The following IP6K2 variants were observed in gnomAD, a reference collection of about 807,000 sequenced individuals.
IP6K2 encodes inositol hexakisphosphate kinase 2.
Under a neutral mutation model 43.3 loss-of-function variants are expected in IP6K2, and 9 were observed. The observed-to-expected ratio is 0.21, with a 90% CI of 0.13 to 0.36. The LOEUF (loss-of-function observed/expected upper bound fraction) is 0.36, where lower values mean the gene tolerates loss of function less well. Ranked by LOEUF, IP6K2 falls within the 10% of genes least tolerant of loss-of-function variation. The pLI, the probability that IP6K2 is intolerant of heterozygous loss-of-function variation, is 1.00. For missense variants in IP6K2, 332 were observed against 538.4 expected, an observed-to-expected ratio of 0.62 and a Z score of 3.79; for synonymous variants, 209 against 202.4, an observed-to-expected ratio of 1.03 and a Z score of -0.28.
At chr3:48,700,965 G>A (rs2078955167) in intron 1 of IP6K2, among the ~76,000 whole-genome samples, 1 of 152,188 alleles carries the variant, frequency 6.6e-6, no homozygotes, top group South Asian at 2.1e-4. Flanking sequence ...CTCATACATT[G>A]CTGGTAGCAA....
chr3:48,706,065 TG>T (rs1559551153), intron 1 of IP6K2, among the ~76,000 whole-genome samples: 1 of 21,092 alleles, frequency 4.7e-5, no homozygotes, highest in African/African-American at 1.1e-4. Flanking sequence ...AAATTAGCCG[TG>T]CATGGTGGTG....
chr3:48,695,000 G>A, intron 2 of IP6K2, 90 bp downstream of exon 2: 1 of 1,610,966 alleles, frequency 6.2e-7, no homozygotes, highest in Non-Finnish European at 8.5e-7. Flanking sequence ...GGGAGTGAGG[G>A]CTCCAGGGAT....
Position 48,716,509 on chromosome 3 carries a change from G to C in IP6K2, c.-131+648C>G, listed in dbSNP as rs1429148675. The C allele has an allele frequency of 1.4e-4, 21 of 152,166 alleles. 1 individual carries two copies. Among genetic ancestry groups the C allele is most frequent in the Non-Finnish European group, 2.2e-4 (15 of 68,018 alleles). The allele number at this position is 152,166 out of a possible 1,614,324, so 9.4% of individuals were successfully genotyped here. On this transcript the variant is annotated intron_variant, in intron 1 of 5. Transcript: ENST00000328631. Reference sequence around the variant, plus strand: ...TGAAATAAGCCATTAGGATGCAAAAGACAAAAGCGGTCTGTAATCAAACGT... The same window carrying C: ...TGAAATAAGCCATTAGGATGCAAAACACAAAAGCGGTCTGTAATCAAACGT...
At chr3:48,712,862 A>C (rs2080721637) in intron 1 of IP6K2, among the ~76,000 whole-genome samples, 1 of 151,888 alleles carries the variant, frequency 6.6e-6, no homozygotes, top group Non-Finnish European at 1.5e-5. Flanking sequence ...ACAAAAATAC[A>C]ATTACCCAGG....
chr3:48,701,341 C>T (rs1382103717), intron 1 of IP6K2, among the ~76,000 whole-genome samples: 5 of 151,344 alleles, frequency 3.3e-5, no homozygotes, highest in African/African-American at 4.9e-5. Flanking sequence ...CTGAGGCGGG[C>T]GGATTGCCTG....
rs993107187 is a variant in IP6K2 at position 48,688,843 on chromosome 3, G to T, written c.781-70C>A. ...AACCCTGGACCCCGGGCGGGGGTGG[G>T]GTGGTGTGGTGGTGGCGGCATGTGA... is the stretch of plus-strand genomic sequence containing the variant. On this transcript the variant is annotated intron_variant, in intron 5 of 5. Coordinates refer to ENST00000328631, the MANE Select transcript of IP6K2 (RefSeq NM_016291.4). This position sits in a 1 kb window ranked among gnomAD's most constrained non-coding sequence, Gnocchi z 5.1. The T allele has an allele frequency of 6.0e-6, 9 of 1,494,984 alleles. No individual in the cohort carries two copies. The Admixed American group carries it at 8.1e-5, about 13-fold the overall frequency. The allele number at this position is 1,494,984 out of a possible 1,614,324, so 92.6% of individuals were successfully genotyped here. A position where few individuals can be genotyped will look rare whatever the true frequency, so the allele number is the denominator to read the frequency against.
At chr3:48,690,697 G>A (rs1455723450) in intron 4 of IP6K2, among the ~76,000 whole-genome samples, 1 of 151,052 alleles carries the variant, frequency 6.6e-6, no homozygotes, top group Non-Finnish European at 1.5e-5. Context: ...GCTGAGGCAT[G>A]AGAATCGCTT....
chr3:48,693,987 T>G, intron 2 of IP6K2: 2 of 1,374,834 alleles, frequency 1.5e-6, no homozygotes, highest in South Asian at 1.8e-5. Context: ...GACGAGCGCC[T>G]TACAAACGAC....
chr3:48,697,864 C>A lies in IP6K2; in HGVS notation c.-130-2443G>T, dbSNP rs547087248. 2.6e-5 allele frequency among the ~76,000 whole-genome samples: 4 copies of A among 152,194 alleles called. 1 individual carries two copies. Among genetic ancestry groups the A allele is most frequent in the African/African-American group, 9.6e-5 (4 of 41,538 alleles). On this transcript the variant is annotated intron_variant, in intron 1 of 5. Transcript: ENST00000328631. Reference sequence around the variant, plus strand: ...TAACTAATATTTTCTATTTATAAAGCAGCCTCTTTTAAAGAGTTTAAACTG... The same window carrying A: ...TAACTAATATTTTCTATTTATAAAGAAGCCTCTTTTAAAGAGTTTAAACTG...
At chr3:48,710,785 ATT>A (rs1311371355) in intron 1 of IP6K2, among the ~76,000 whole-genome samples, 1 of 151,640 alleles carries the variant, frequency 6.6e-6, no homozygotes, top group Non-Finnish European at 1.5e-5. Context: ...AATTTTTTGT[ATT>A]TTTAGTAGAG....
chr3:48,690,188 A>G (rs926441583), intron 4 of IP6K2, among the ~76,000 whole-genome samples: 1 of 152,254 alleles, frequency 6.6e-6, no homozygotes, highest in Non-Finnish European at 1.5e-5. Context: ...ATAACCAGAA[A>G]TAATGAGTGT....
chr3:48,690,889 C>A (rs1172868420), intron 4 of IP6K2, among the ~76,000 whole-genome samples: 1 of 152,086 alleles, frequency 6.6e-6, no homozygotes, highest in African/African-American at 2.4e-5. Context: ...CAGTGGTGGT[C>A]TGGTGAACCA....
intron 1 of IP6K2, among the ~76,000 whole-genome samples, chr3:48,712,306 G>A (rs1315300251): frequency 1.3e-5 from 2 of 149,866 alleles, no homozygotes; most frequent in Admixed American, 6.7e-5. Context: ...GCAGTGGCGC[G>A]ATCTCGGCTC....
chr3:48,698,608 C>T (rs546044491), intron 1 of IP6K2, among the ~76,000 whole-genome samples: 32 of 152,270 alleles, frequency 2.1e-4, no homozygotes, highest in African/African-American at 7.7e-4. Flanking sequence ...AAGCTGAGGA[C>T]TATAGGCGCA....
Position 48,688,268 on chromosome 3 carries a change from C to A in IP6K2, c.*5G>T, listed in dbSNP as rs1417604671. 1 of 1,611,440 alleles carries A rather than the reference C, an allele frequency of 6.2e-7. No homozygotes were observed. The highest frequency in any genetic ancestry group is 8.5e-7 in the Non-Finnish European group (1 of 1,177,844). On this transcript the variant is annotated 3_prime_UTR_variant, in exon 6 of 6. Transcript: ENST00000328631. The surrounding 1 kb of genome is among the most constrained non-coding windows in gnomAD (Gnocchi z 5.1). Reference sequence around the variant, plus strand: ...CGCTCTCAAGTACTGGAGCAGCTAGCAAGCTCACTCCCCACTCTCCTCACT... The same window carrying A: ...CGCTCTCAAGTACTGGAGCAGCTAGAAAGCTCACTCCCCACTCTCCTCACT...
intron 2 of IP6K2, chr3:48,694,727 A>G: frequency 6.6e-7 from 1 of 1,508,634 alleles, no homozygotes; most frequent in African/African-American, 1.4e-5. Flanking sequence ...CCTGGAGGAC[A>G]AAAAGCAGGC....
intron 1 of IP6K2, among the ~76,000 whole-genome samples, chr3:48,703,272 T>G (rs535127243): frequency 5.0e-4 from 76 of 152,328 alleles, no homozygotes; most frequent in Non-Finnish European, 8.7e-4. Context: ...AAGAATAAAC[T>G]TTCAAAATGT....
At chr3:48,710,097 G>A (rs974321756) in intron 1 of IP6K2, among the ~76,000 whole-genome samples, 1 of 152,136 alleles carries the variant, frequency 6.6e-6, no homozygotes, top group Non-Finnish European at 1.5e-5. Context: ...AAGATCGCAC[G>A]CATTTGAGGC....
chr3:48,694,502 C>CAT, intron 2 of IP6K2: 1 of 1,543,636 alleles, frequency 6.5e-7, no homozygotes, highest in South Asian at 1.2e-5. Flanking sequence ...AAGACCCCAC[C>CAT]ATGCTGGTGG....
Sources: gnomAD v4.1 joint callset for allele counts (sites outside exome capture counted in the v4.1 genomes callset) on GRCh38, gnomAD v4.1.1 for gene constraint, Gnocchi (gnomAD v3.1) non-coding constraint, MANE v1.5 for transcripts, NCBI Gene and HGNC (gene_info 2026-07-23, HGNC 2026-07-21) for gene names.